The following LOC400499 variants were observed in gnomAD, a reference collection of about 807,000 sequenced individuals.
At chr16:11,448,999 C>A in the LOC400499 span, 1 of 1,524,170 alleles carries the variant, frequency 6.6e-7, no homozygotes, top group Non-Finnish European at 8.8e-7. Flanking sequence ...ATCTTACGGT[C>A]CCGGCTGTTC....
chr16:11,435,438 C>T, the LOC400499 span, among the ~76,000 whole-genome samples: 38 of 152,222 alleles, frequency 2.5e-4, no homozygotes, highest in African/African-American at 8.9e-4. Context: ...CCATCTACAA[C>T]GAACACTCTC....
chr16:11,457,592 A>AG, the LOC400499 span, among the ~76,000 whole-genome samples: 12 of 46,068 alleles, frequency 2.6e-4, no homozygotes, highest in African/African-American at 9.4e-4. Context: ...ACTCCATCTC[A>AG]AAAAAAAAAA....
At chr16:11,503,078 C>G in the LOC400499 span, among the ~76,000 whole-genome samples, 1 of 151,770 alleles carries the variant, frequency 6.6e-6, no homozygotes, top group Non-Finnish European at 1.5e-5. Flanking sequence ...TGCATCACCA[C>G]GCTCAGCTAA....
the LOC400499 span, among the ~76,000 whole-genome samples, chr16:11,377,095 A>G: frequency 2.0e-5 from 3 of 152,154 alleles, no homozygotes; most frequent in South Asian, 6.2e-4. Context: ...CTGAGACTAT[A>G]GGCGTGCACA....
the LOC400499 span, among the ~76,000 whole-genome samples, chr16:11,476,531 AG>A: frequency 6.6e-6 from 1 of 151,970 alleles, no homozygotes; most frequent in African/African-American, 2.4e-5. Flanking sequence ...TCATGCACAC[AG>A]CAGCTCATAC....
chr16:11,409,704 A>C, the LOC400499 span, among the ~76,000 whole-genome samples: 141,995 of 152,320 alleles, frequency 0.93, 66,590 homozygotes, highest in Non-Finnish European at 0.99. Context: ...GAAGGTATTA[A>C]TTCAACGTTC....
chr16:11,444,688 T>A, the LOC400499 span, among the ~76,000 whole-genome samples: 3 of 152,168 alleles, frequency 2.0e-5, no homozygotes, highest in East Asian at 5.8e-4. Flanking sequence ...CAACTATTCA[T>A]TGAGCACCTA....
At chr16:11,424,669 C>T in the LOC400499 span, among the ~76,000 whole-genome samples, 2 of 152,198 alleles carry the variant, frequency 1.3e-5, no homozygotes, top group African/African-American at 2.4e-5. Context: ...CAGAGGGAAA[C>T]AGGGGTCTGA....
chr16:11,491,598 G>A, the LOC400499 span: 1 of 380,528 alleles, frequency 2.6e-6, no homozygotes, highest in East Asian at 3.7e-5. Context: ...ATACCAAAGG[G>A]GTGGAGGGAG....
chr16:11,393,487 G>A, the LOC400499 span: 385,050 of 1,231,990 alleles, frequency 0.31, 61,171 homozygotes, highest in Non-Finnish European at 0.33. Context: ...CCCTCCAACC[G>A]GACCAGGCTT....
chr16:11,408,132 A>G, the LOC400499 span, among the ~76,000 whole-genome samples: 72,723 of 151,826 alleles, frequency 0.48, 18,381 homozygotes, highest in Admixed American at 0.6. Context: ...ACAGGCATGT[A>G]CCACCACACC....
the LOC400499 span, among the ~76,000 whole-genome samples, chr16:11,461,451 G>C: frequency 2.0e-5 from 3 of 152,164 alleles, no homozygotes; most frequent in African/African-American, 7.2e-5. Context: ...AAACTCCTGG[G>C]CTCAAGTAAT....
the LOC400499 span, among the ~76,000 whole-genome samples, chr16:11,427,232 G>A: frequency 6.0e-5 from 9 of 150,856 alleles, no homozygotes; most frequent in East Asian, 3.9e-4. Flanking sequence ...ACATGGTGGC[G>A]CTTGCCTGTA....
the LOC400499 span, among the ~76,000 whole-genome samples, chr16:11,461,335 T>A: frequency 6.6e-6 from 1 of 152,184 alleles, no homozygotes; most frequent in Non-Finnish European, 1.5e-5. Flanking sequence ...TCTTCCCACC[T>A]TAGCCTCCCG....
chr16:11,491,649 T>TA, the LOC400499 span: 1 of 210,382 alleles, frequency 4.8e-6, no homozygotes, highest in Non-Finnish European at 9.4e-6. Context: ...GGAGGTGCCC[T>TA]CCCAGCCCCA....
the LOC400499 span, among the ~76,000 whole-genome samples, chr16:11,497,699 C>T: frequency 6.1e-5 from 9 of 148,658 alleles, no homozygotes; most frequent in Non-Finnish European, 1.1e-4. Flanking sequence ...GAGCAGTCCA[C>T]ACAGTAATGA....
the LOC400499 span, among the ~76,000 whole-genome samples, chr16:11,407,911 T>TTCTGGGC: frequency 2.0e-5 from 3 of 151,552 alleles, no homozygotes; most frequent in African/African-American, 7.3e-5. Context: ...AAAATACAGA[T>TTCTGGGC]TCTGGGCTCC....
the LOC400499 span, among the ~76,000 whole-genome samples, chr16:11,436,465 T>A: frequency 6.6e-6 from 1 of 151,984 alleles, no homozygotes; most frequent in Non-Finnish European, 1.5e-5. Flanking sequence ...CTCCACCAGC[T>A]CCCAAGGGAC....
chr16:11,513,426 A>AATTT, the LOC400499 span, among the ~76,000 whole-genome samples: 21 of 150,964 alleles, frequency 1.4e-4, no homozygotes, highest in South Asian at 6.2e-4. Context: ...AAAATTTAAA[A>AATTT]ATTTATTTAT....
Sources: allele counts gnomAD v4.1 joint callset (sites outside exome capture counted in the v4.1 genomes callset), GRCh38; gene constraint gnomAD v4.1.1; transcripts MANE v1.5.